ARID5B: variants seen among roughly 807,000 people sequenced by gnomAD.
ARID5B encodes the protein AT-rich interactive domain-containing protein 5B.
Under a neutral mutation model 97.2 loss-of-function variants are expected in ARID5B, and 13 were observed. The ratio of observed to expected loss-of-function variants is 0.13; its 90% confidence interval spans 0.09 to 0.21. ARID5B has a LOEUF of 0.21. Among genes scored for constraint, ARID5B ranks in the 10% least tolerant of loss-of-function variants. The pLI is 1.00. For missense variants in ARID5B, 1,210 were observed against 1,465.3 expected (o/e 0.83, Z 2.84); for synonymous variants, 556 against 570.3 (o/e 0.97, Z 0.36).
intron 2 of ARID5B, among the ~76,000 whole-genome samples, chr10:61,933,788 G>C (rs1844252921): frequency 6.6e-6 from 1 of 152,192 alleles, no homozygotes; most frequent in South Asian, 2.1e-4. Context: ...CATAGATTTA[G>C]CATAATCCTG....
chr10:61,979,875 T>A (rs981122716), intron 3 of ARID5B, among the ~76,000 whole-genome samples: 1 of 152,202 alleles, frequency 6.6e-6, no homozygotes, highest in African/African-American at 2.4e-5. Flanking sequence ...GCGTATCACC[T>A]GAGGTCAGGA....
chr10:61,984,344 T>C (rs1261770636), intron 3 of ARID5B, among the ~76,000 whole-genome samples: 1 of 152,210 alleles, frequency 6.6e-6, no homozygotes, highest in African/African-American at 2.4e-5. Flanking sequence ...TGGCACTGAG[T>C]AGGAACCAAA....
chr10:61,904,814 T>C (rs946584592), intron 2 of ARID5B, among the ~76,000 whole-genome samples: 1 of 152,270 alleles, frequency 6.6e-6, no homozygotes, highest in South Asian at 2.1e-4. Flanking sequence ...AAATGCAGAC[T>C]GCATTGTGCA....
chr10:62,067,179 G>A (rs774102656), intron 7 of ARID5B, among the ~76,000 whole-genome samples: 2 of 151,838 alleles, frequency 1.3e-5, no homozygotes, highest in Non-Finnish European at 2.9e-5. Context: ...TCTGCCTCCC[G>A]GTTCAAGCAA....
At chr10:61,916,735 A>G (rs1280354653) in intron 2 of ARID5B, among the ~76,000 whole-genome samples, 2 of 152,184 alleles carry the variant, frequency 1.3e-5, no homozygotes, top group African/African-American at 4.8e-5. Context: ...CGGGAAGTAT[A>G]AGAAAAGGGT....
At chr10:62,044,161 G>A (rs1476904151) in intron 4 of ARID5B, among the ~76,000 whole-genome samples, 2 of 152,174 alleles carry the variant, frequency 1.3e-5, no homozygotes, top group Non-Finnish European at 1.5e-5. Context: ...TGTGGTTCAA[G>A]CAGTGTAGGG....
At chr10:62,061,759 G>T (rs1839924323) in intron 7 of ARID5B, among the ~76,000 whole-genome samples, 3 of 152,186 alleles carry the variant, frequency 2.0e-5, no homozygotes, top group African/African-American at 7.2e-5. Context: ...GGAGGGCAGA[G>T]AACTCTTCCT....
At chr10:62,019,024 G>C (rs1468724535) in intron 4 of ARID5B, among the ~76,000 whole-genome samples, 2 of 152,098 alleles carry the variant, frequency 1.3e-5, no homozygotes, top group Non-Finnish European at 2.9e-5. Context: ...CCAGAGGTTT[G>C]GAGCTTTGTC....
At chr10:62,089,564 G>A (rs1589293470) in intron 9 of ARID5B, among the ~76,000 whole-genome samples, 1 of 100,214 alleles carries the variant, frequency 1.0e-5, no homozygotes, top group East Asian at 3.0e-4. Context: ...TTACACTCTT[G>A]TTGCCCAAGC....
At chr10:61,912,505 C>T (rs1221462837) in intron 2 of ARID5B, among the ~76,000 whole-genome samples, 1 of 151,984 alleles carries the variant, frequency 6.6e-6, no homozygotes, top group Non-Finnish European at 1.5e-5. Flanking sequence ...TATATATGTA[C>T]ATCAAATCAT....
intron 3 of ARID5B, among the ~76,000 whole-genome samples, chr10:61,942,782 C>A (rs142700659): frequency 1.3e-5 from 2 of 152,028 alleles, no homozygotes. Flanking sequence ...GCGACAACAG[C>A]GAGGCTCTGT....
chr10:62,023,656 A>G (rs138046131), intron 4 of ARID5B, among the ~76,000 whole-genome samples: 24 of 152,370 alleles, frequency 1.6e-4, no homozygotes, highest in African/African-American at 5.5e-4. Context: ...GTGGGGGAAT[A>G]CATAGCTGCA....
intron 4 of ARID5B, among the ~76,000 whole-genome samples, chr10:62,003,445 C>G (rs1275982057): frequency 6.6e-6 from 1 of 152,184 alleles, no homozygotes; most frequent in Non-Finnish European, 1.5e-5. Context: ...TTAATAACTA[C>G]TCATTTCTAA....
chr10:61,937,143 T>C (rs1844319449), intron 2 of ARID5B, among the ~76,000 whole-genome samples: 1 of 152,218 alleles, frequency 6.6e-6, no homozygotes, highest in Admixed American at 6.5e-5. Flanking sequence ...GGCCAGATAG[T>C]TAAGGGAAAA....
At chr10:62,025,232 G>A (rs1361840530) in intron 4 of ARID5B, 1 of 152,166 alleles carries the variant, frequency 6.6e-6, no homozygotes, top group Non-Finnish European at 1.5e-5. Context: ...TATTTAATGA[G>A]ATGTGTCATC....
At chr10:62,058,481 G>A (rs1026050448) in intron 6 of ARID5B, among the ~76,000 whole-genome samples, 2 of 152,178 alleles carry the variant, frequency 1.3e-5, no homozygotes, top group African/African-American at 2.4e-5. Flanking sequence ...ATTCCATGGT[G>A]TTTGGTATAA....
Position 62,092,860 on chromosome 10 carries a change from T to A in ARID5B, c.3397T>A (p.Ser1133Thr), listed in dbSNP as rs765959720. The A allele has an allele frequency of 6.2e-7, 1 of 1,614,228 alleles. No homozygotes were observed. Among genetic ancestry groups the A allele is most frequent in the East Asian group, 2.2e-5 (1 of 44,886 alleles). The change falls in exon 10 of 10, where the codon TCA becomes ACA. Residue 1133 changes from serine (S) to threonine (T), a missense_variant. This residue lies in a region of ARID5B where 54 missense variants were observed against 67.4 expected (regional missense o/e 0.80). Transcript: ENST00000279873. ...TGTGATGCAAAGAGGAATTTTTACATCACCGACAAATTCTCAGCAGCTGTA... is the reference window on the plus strand; with the variant it reads ...TGTGATGCAAAGAGGAATTTTTACAACACCGACAAATTCTCAGCAGCTGTA... ...SLVMQRGIFTSPTNSQQLYRH... is the reference protein window; with the variant it reads ...SLVMQRGIFTTPTNSQQLYRH...
At chr10:61,986,545 G>T (rs970597684) in intron 3 of ARID5B, among the ~76,000 whole-genome samples, 1 of 152,142 alleles carries the variant, frequency 6.6e-6, no homozygotes, top group African/African-American at 2.4e-5. Context: ...ACAAAAAAGT[G>T]GGGGAGGGTG....
chr10:62,078,769 T>C (rs915560990), intron 8 of ARID5B, among the ~76,000 whole-genome samples: 6 of 152,210 alleles, frequency 3.9e-5, no homozygotes, highest in African/African-American at 1.4e-4. Context: ...ACATGTGGCA[T>C]GGAGACATCA....
Sources: gnomAD v4.1 joint callset for allele counts (sites outside exome capture counted in the v4.1 genomes callset) on GRCh38, gnomAD v4.1.1 for gene constraint, gnomAD v4.1.1 regional missense constraint, MANE v1.5 for transcripts, NCBI Gene and HGNC (gene_info 2026-07-23, HGNC 2026-07-21) for gene names.